MOSMO: variants seen among roughly 807,000 people sequenced by gnomAD.
MOSMO encodes the protein modulator of smoothened protein.
A neutral mutation model predicts 18.4 loss-of-function variants in MOSMO; 5 were observed. The ratio of observed to expected loss-of-function variants is 0.27; its 90% CI spans 0.14 to 0.57. The LOEUF (loss-of-function observed/expected upper bound fraction) is 0.57, where lower values mean the gene tolerates loss of function less well. MOSMO is among the 20% of genes least tolerant of loss of function. The pLI is 0.92. For synonymous variants in MOSMO, 82 were observed against 82.3 expected (o/e 1.00, Z 0.02); for missense variants, 138 against 211.8 (o/e 0.65, Z 2.16).
chr16:22,030,614 G>A (rs1379585551), intron 1 of MOSMO, among the ~76,000 whole-genome samples: 1 of 152,158 alleles, frequency 6.6e-6, no homozygotes, highest in Non-Finnish European at 1.5e-5. Context: ...TCGGCTCACT[G>A]CGACCTCTGC....
intron 1 of MOSMO, among the ~76,000 whole-genome samples, chr16:22,022,710 G>A (rs80251497): frequency 1.3e-5 from 2 of 151,936 alleles, no homozygotes; most frequent in African/African-American, 2.4e-5. Context: ...CCTGACCCCC[G>A]ATATGGTAGT....
intron 1 of MOSMO, among the ~76,000 whole-genome samples, chr16:22,014,917 A>T (rs1467576717): frequency 6.6e-6 from 1 of 152,042 alleles, no homozygotes. Context: ...TTTCCAGTAA[A>T]TTTTTTTTAA....
At chr16:22,055,241 C>G (rs1567509936) in intron 1 of MOSMO, among the ~76,000 whole-genome samples, 1 of 152,130 alleles carries the variant, frequency 6.6e-6, no homozygotes, top group East Asian at 1.9e-4. Context: ...TCAACACACT[C>G]CTTCTGCTTC....
At chr16:22,041,432 T>C (rs1360474893) in intron 1 of MOSMO, among the ~76,000 whole-genome samples, 1 of 152,164 alleles carries the variant, frequency 6.6e-6, no homozygotes, top group African/African-American at 2.4e-5. Context: ...GAGAATCCGA[T>C]TCAGCAGGTC....
At chr16:22,090,115 C>T (rs564492090), downstream of MOSMO, 6 of 152,264 alleles carry the variant, frequency 3.9e-5, no homozygotes, top group African/African-American at 1.4e-4. Flanking sequence ...GTGACAGATT[C>T]AGAAATTAGC....
chr16:22,058,863 A>G (rs1900589059), intron 1 of MOSMO, among the ~76,000 whole-genome samples: 1 of 152,180 alleles, frequency 6.6e-6, no homozygotes, highest in Non-Finnish European at 1.5e-5. Flanking sequence ...CTTTTAGGTG[A>G]TAATTGAATC....
At chr16:22,016,402 CTGTCT>C (rs1393427933) in intron 1 of MOSMO, among the ~76,000 whole-genome samples, 1 of 152,148 alleles carries the variant, frequency 6.6e-6, no homozygotes, top group Non-Finnish European at 1.5e-5. Flanking sequence ...TTTGTACTGT[CTGTCT>C]TATTTATTTA....
chr16:22,088,415 G>A (rs8060481), downstream of MOSMO, among the ~76,000 whole-genome samples: 9,284 of 152,186 alleles, frequency 0.061, 900 homozygotes, highest in African/African-American at 0.21. Context: ...TATCAAATAT[G>A]TGTCTTCCCA....
At chr16:22,028,747 G>T (rs1183939435) in intron 1 of MOSMO, among the ~76,000 whole-genome samples, 5 of 152,086 alleles carry the variant, frequency 3.3e-5, no homozygotes, top group Admixed American at 1.3e-4. Context: ...TTCCAAAGGT[G>T]ATGTAAATTA....
Position 22,084,407 on chromosome 16 carries a change from G to A in MOSMO, c.*3527G>A, listed in dbSNP as rs1382621368. ...ATGAAGGAAAAAAGTGGCCCGTGTA[G>A]GTAGGATTCCCTACACAGGACTTTT... On this transcript the variant is annotated 3_prime_UTR_variant, in exon 3 of 3. Transcript: ENST00000542527. The A allele has an allele frequency of 6.6e-6, 1 of 151,946 alleles. No individual in the cohort carries two copies. The highest frequency in any genetic ancestry group is 2.4e-5 in the African/African-American group (1 of 41,368). 9.4% of individuals were successfully genotyped at this position (151,946 alleles called of 1,614,324 possible). A position where few individuals can be genotyped will look rare whatever the true frequency, so the allele number is the denominator to read the frequency against.
intron 1 of MOSMO, among the ~76,000 whole-genome samples, chr16:22,073,426 C>T (rs1399768724): frequency 1.3e-5 from 2 of 152,162 alleles, no homozygotes; most frequent in African/African-American, 2.4e-5. Flanking sequence ...AATTTGTTAA[C>T]GGTCTTTTGC....
Position 22,058,887 on chromosome 16 carries a change from G to A in MOSMO, c.107-16600G>A, listed in dbSNP as rs118152387. Among the ~76,000 whole-genome samples, 578 of 152,330 alleles carry A rather than the reference G, an allele frequency of 3.8e-3. 1 individual carries two copies. Among genetic ancestry groups the A allele is most frequent in the Admixed American group, 5.4e-3 (83 of 15,302 alleles). ...GATAATTGAATCAGTGAACCCAGCTGAGATTGCCTAGGAAGAATATGGAGT... is the reference window on the plus strand; with the variant it reads ...GATAATTGAATCAGTGAACCCAGCTAAGATTGCCTAGGAAGAATATGGAGT... On this transcript the variant is annotated intron_variant, in intron 1 of 2. Transcript: ENST00000542527.
chr16:22,062,779 C>T (rs563898246), intron 1 of MOSMO, among the ~76,000 whole-genome samples: 6 of 152,156 alleles, frequency 3.9e-5, no homozygotes. Flanking sequence ...TCTGCATTTA[C>T]TGAGGAAGCT....
At chr16:22,063,628 G>A (rs899545675) in intron 1 of MOSMO, among the ~76,000 whole-genome samples, 1 of 152,150 alleles carries the variant, frequency 6.6e-6, no homozygotes, top group Admixed American at 6.5e-5. Flanking sequence ...AGAATAAACC[G>A]AGAGCAGGGT....
At position 22,084,009 on chromosome 16, in the gene MOSMO, A is replaced by C; in HGVS notation, c.*3129A>C. 4.1e-6 allele frequency: 1 copy of C among 245,730 alleles called. No homozygotes were observed. Among genetic ancestry groups the C allele is most frequent in the Non-Finnish European group, 7.9e-6 (1 of 126,048 alleles). The allele number at this position is 245,730 out of a possible 1,614,324, so 15.2% of individuals were successfully genotyped here. A position where few individuals can be genotyped will look rare whatever the true frequency, so the allele number is the denominator to read the frequency against. On this transcript the variant is annotated 3_prime_UTR_variant, in exon 3 of 3. Coordinates refer to ENST00000542527, the MANE Select transcript of MOSMO (RefSeq NM_001164579.2). ...TTTTAATGTTCTAGATGACCAAAAC[A>C]CTATTGGTTTTTACCCTTTTGCCTA...
chr16:22,064,901 A>G (rs559519018), intron 1 of MOSMO, among the ~76,000 whole-genome samples: 6 of 152,312 alleles, frequency 3.9e-5, no homozygotes, highest in African/African-American at 9.6e-5. Flanking sequence ...CATATTTTCT[A>G]TACATTATAT....
chr16:22,008,505 G>A, intron 1 of MOSMO, 98 bp downstream of exon 1: 1 of 750,304 alleles, frequency 1.3e-6, no homozygotes. Flanking sequence ...GGAGGGTCCC[G>A]GCCGGAGGCT....
At chr16:22,021,124 G>A (rs1899753477) in intron 1 of MOSMO, among the ~76,000 whole-genome samples, 1 of 152,198 alleles carries the variant, frequency 6.6e-6, no homozygotes, top group African/African-American at 2.4e-5. Flanking sequence ...GAGGAAGCAA[G>A]ATGAAATGGA....
At chr16:22,034,703 CTT>C (rs1227462075) in intron 1 of MOSMO, among the ~76,000 whole-genome samples, 1 of 61,168 alleles carries the variant, frequency 1.6e-5, no homozygotes, top group African/African-American at 6.5e-5. Context: ...CCCTTGATGT[CTT>C]TGGGGTTTAG....
Sources: allele counts gnomAD v4.1 joint callset (sites outside exome capture counted in the v4.1 genomes callset), GRCh38; gene constraint gnomAD v4.1.1; transcripts MANE v1.5; gene names NCBI Gene and HGNC (gene_info 2026-07-23, HGNC 2026-07-21).